Variants in CLIC4 observed in about 807,000 individuals in gnomAD.
The protein encoded by CLIC4 is CLIC family member 4, also known as chloride intracellular channel protein 4.
Under a neutral mutation model 24.6 loss-of-function variants are expected in CLIC4, and 13 were observed. The observed-to-expected ratio is 0.53, with a 90% CI of 0.34 to 0.84. The LOEUF (loss-of-function observed/expected upper bound fraction) is 0.84, where lower values mean the gene tolerates loss of function less well. Ranked by LOEUF, CLIC4 falls within the 40% of genes least tolerant of loss-of-function variation. The pLI is 0.01. For missense variants in CLIC4, 227 were observed against 301.7 expected (o/e 0.75, Z 1.83); for synonymous variants, 104 against 111.3 (o/e 0.93, Z 0.41).
intron 1 of CLIC4, among the ~76,000 whole-genome samples, chr1:24,775,224 C>CTTTTTTTTT: frequency 4.4e-4 from 40 of 90,642 alleles, no homozygotes; most frequent in South Asian, 8.4e-4. Flanking sequence ...TTCTTTCTTT[C>CTTTTTTTTT]TTTTTTTTTT....
chr1:24,750,625 A>G (rs1189313355), intron 1 of CLIC4, among the ~76,000 whole-genome samples: 1 of 151,714 alleles, frequency 6.6e-6, no homozygotes, highest in African/African-American at 2.4e-5. Context: ...TTGGCCTCCA[A>G]AAGTGCTGGG....
At chr1:24,805,308 GGT>G (rs1199404026) in intron 2 of CLIC4, among the ~76,000 whole-genome samples, 2 of 151,984 alleles carry the variant, frequency 1.3e-5, no homozygotes, top group Non-Finnish European at 2.9e-5. Flanking sequence ...AAGGGGTCTT[GGT>G]GTGTGTGTTT....
intron 4 of CLIC4, among the ~76,000 whole-genome samples, chr1:24,835,825 C>A (rs111544353): frequency 6.6e-6 from 1 of 152,112 alleles, no homozygotes; most frequent in Non-Finnish European, 1.5e-5. Flanking sequence ...GAACACAGAA[C>A]AGGTGGACAA....
chr1:24,837,565 GAACCAT>G (rs1639897801), intron 4 of CLIC4, among the ~76,000 whole-genome samples: 1 of 152,104 alleles, frequency 6.6e-6, no homozygotes, highest in African/African-American at 2.4e-5. Context: ...CTTGATACCA[GAACCAT>G]ACAAGAACAT....
chr1:24,756,386 A>G (rs1638850492), intron 1 of CLIC4, among the ~76,000 whole-genome samples: 1 of 152,214 alleles, frequency 6.6e-6, no homozygotes, highest in South Asian at 2.1e-4. Context: ...ACCTTTAAGC[A>G]TCCTTTCATA....
rs565007633 is a variant in CLIC4 at position 24,754,480 on chromosome 1, T to G, written c.72+8855T>G. ...TGTGAGTCCATAAAAGGAAAATGTG[T>G]TAGGCAGGATGGGAAGTGTGATTAA... On this transcript the variant is annotated intron_variant, in intron 1 of 5. Coordinates refer to ENST00000374379, the MANE Select transcript of CLIC4 (RefSeq NM_013943.3). Among the ~76,000 whole-genome samples, 3 of 152,254 alleles carry G rather than the reference T, an allele frequency of 2.0e-5. No individual in the cohort carries two copies. The South Asian group carries it at 6.2e-4, about 32-fold the overall frequency.
intron 2 of CLIC4, among the ~76,000 whole-genome samples, chr1:24,803,832 C>T (rs1216687664): frequency 6.6e-6 from 1 of 152,150 alleles, no homozygotes; most frequent in African/African-American, 2.4e-5. Flanking sequence ...TCACTGATTT[C>T]ACTGGGACCT....
intron 2 of CLIC4, among the ~76,000 whole-genome samples, chr1:24,812,517 C>G (rs1384434673): frequency 6.6e-6 from 1 of 152,146 alleles, no homozygotes; most frequent in Non-Finnish European, 1.5e-5. Context: ...AAACCAGACA[C>G]TAACTCTCCA....
At chr1:24,770,057 C>T (rs1475210250) in intron 1 of CLIC4, among the ~76,000 whole-genome samples, 4 of 151,934 alleles carry the variant, frequency 2.6e-5, no homozygotes, top group Non-Finnish European at 4.4e-5. Context: ...GATGAGGTCT[C>T]ACTGTGTTGC....
intron 4 of CLIC4, among the ~76,000 whole-genome samples, chr1:24,831,600 T>C (rs1639841036): frequency 6.6e-6 from 1 of 152,190 alleles, no homozygotes; most frequent in Non-Finnish European, 1.5e-5. Flanking sequence ...CCTTGTACTC[T>C]AATATGTTCT....
intron 2 of CLIC4, among the ~76,000 whole-genome samples, chr1:24,812,629 A>G (rs1434281581): frequency 6.6e-6 from 1 of 152,210 alleles, no homozygotes; most frequent in East Asian, 1.9e-4. Flanking sequence ...AAAAAAAATC[A>G]AAGCATTTTC....
chr1:24,786,820 A>G (rs192992103), intron 1 of CLIC4, among the ~76,000 whole-genome samples: 2,122 of 152,016 alleles, frequency 0.014, 52 homozygotes, highest in African/African-American at 0.048. Flanking sequence ...AGGTTTCACC[A>G]TGTTAGCCAG....
chr1:24,822,453 A>G (rs768362046), intron 3 of CLIC4, among the ~76,000 whole-genome samples: 3 of 147,836 alleles, frequency 2.0e-5, no homozygotes, highest in South Asian at 2.1e-4. Context: ...GGTTGAAGCA[A>G]TTCTCCTGCC....
chr1:24,756,025 A>G (rs1571228892), intron 1 of CLIC4, among the ~76,000 whole-genome samples: 11 of 97,280 alleles, frequency 1.1e-4, no homozygotes, highest in South Asian at 3.2e-4. Flanking sequence ...TTTGAGACGG[A>G]GTCTTGCTCT....
intron 3 of CLIC4, among the ~76,000 whole-genome samples, chr1:24,821,803 C>T (rs1042296010): frequency 6.6e-6 from 1 of 152,148 alleles, no homozygotes; most frequent in Admixed American, 6.6e-5. Context: ...AAGCTGTGGC[C>T]TTGAACTCCT....
At chr1:24,803,282 A>C (rs546375785) in intron 2 of CLIC4, among the ~76,000 whole-genome samples, 1 of 152,288 alleles carries the variant, frequency 6.6e-6, no homozygotes, top group East Asian at 1.9e-4. Context: ...GTAATTGCCT[A>C]ATATCTTGGT....
intron 3 of CLIC4, 40 bp downstream of exon 3, chr1:24,814,259 T>C: frequency 6.3e-7 from 1 of 1,591,918 alleles, no homozygotes; most frequent in Non-Finnish European, 8.6e-7. Context: ...TATTGTCACT[T>C]CTTTGAAGCT....
intron 2 of CLIC4, among the ~76,000 whole-genome samples, chr1:24,800,708 T>G (rs2124137149): frequency 6.6e-6 from 1 of 152,308 alleles, no homozygotes; most frequent in East Asian, 1.9e-4. Context: ...ACTTTTCATT[T>G]TGTTCTGCAC....
intron 2 of CLIC4, 174 bp downstream of exon 2, chr1:24,798,025 A>T: frequency 1.9e-6 from 1 of 516,496 alleles, no homozygotes; most frequent in Non-Finnish European, 3.4e-6. Context: ...CGCTGTCAGT[A>T]TACTGCGTGG....
Sources: allele counts gnomAD v4.1 joint callset (sites outside exome capture counted in the v4.1 genomes callset), GRCh38; gene constraint gnomAD v4.1.1; transcripts MANE v1.5; gene names NCBI Gene and HGNC (gene_info 2026-07-23, HGNC 2026-07-21).